The following PTPRD variants were observed in gnomAD, a reference collection of about 807,000 sequenced individuals.
The protein encoded by PTPRD is receptor-type tyrosine-protein phosphatase delta.
A neutral mutation model predicts 214.5 loss-of-function variants in PTPRD; 34 were observed. The ratio of observed to expected loss-of-function variants is 0.16; its 90% CI spans 0.12 to 0.21. PTPRD has a LOEUF of 0.21. Among genes scored for constraint, PTPRD ranks in the 10% least tolerant of loss-of-function variants. PTPRD has a pLI of 1.00. For missense variants in PTPRD, 2,545 were observed against 2,398.7 expected (o/e 1.06, Z -1.27); for synonymous variants, 1,128 against 845.7 (o/e 1.33, Z -5.79).
intron 10 of PTPRD, among the ~76,000 whole-genome samples, chr9:9,107,411 C>G (rs946443885): frequency 1.3e-5 from 2 of 152,142 alleles, no homozygotes; most frequent in Non-Finnish European, 2.9e-5. Flanking sequence ...ATTTCATCTA[C>G]CAGCCTTGTT....
intron 3 of PTPRD, among the ~76,000 whole-genome samples, chr9:10,275,770 A>G (rs966140572): frequency 6.6e-6 from 1 of 152,206 alleles, no homozygotes; most frequent in Admixed American, 6.5e-5. Context: ...AGAGAGATGC[A>G]GCATAGAGGC....
At chr9:9,057,783 T>C (rs951704477) in intron 10 of PTPRD, among the ~76,000 whole-genome samples, 2 of 152,190 alleles carry the variant, frequency 1.3e-5, no homozygotes, top group African/African-American at 4.8e-5. Flanking sequence ...AATTTAGATC[T>C]TTAATTCCAA....
chr9:10,509,411 T>TAAAATAAC (rs2047184244), intron 2 of PTPRD, among the ~76,000 whole-genome samples: 1 of 151,334 alleles, frequency 6.6e-6, no homozygotes, highest in African/African-American at 2.4e-5. Flanking sequence ...CCTCTTGTTG[T>TAAAATAAC]TTCAGCTTCA....
intron 7 of PTPRD, among the ~76,000 whole-genome samples, chr9:9,679,065 G>A (rs1022996709): frequency 1.3e-5 from 2 of 150,446 alleles, no homozygotes; most frequent in African/African-American, 4.9e-5. Context: ...TTATTAGGGA[G>A]TCAAAATTTC....
At chr9:9,468,997 A>G (rs2094412732) in intron 8 of PTPRD, among the ~76,000 whole-genome samples, 1 of 152,128 alleles carries the variant, frequency 6.6e-6, no homozygotes, top group South Asian at 2.1e-4. Flanking sequence ...TCAAATATTT[A>G]TATGTGACTT....
intron 14 of PTPRD, among the ~76,000 whole-genome samples, chr9:8,620,499 A>G (rs1184067366): frequency 6.6e-6 from 1 of 152,048 alleles, no homozygotes; most frequent in Non-Finnish European, 1.5e-5. Flanking sequence ...TGAAAAGGTT[A>G]TTTTGCATCA....
chr9:9,285,185 T>C (rs916020748), intron 9 of PTPRD, among the ~76,000 whole-genome samples: 3 of 151,800 alleles, frequency 2.0e-5, no homozygotes, highest in Non-Finnish European at 2.9e-5. Context: ...TTTTAATTTT[T>C]TTCTCTCTTC....
chr9:8,565,263 T>C (rs1415197060), intron 14 of PTPRD, among the ~76,000 whole-genome samples: 1 of 152,230 alleles, frequency 6.6e-6, no homozygotes, highest in Non-Finnish European at 1.5e-5. Context: ...CTTCGCACAA[T>C]GAAGTTTGAA....
At chr9:10,378,775 C>T (rs2097772133) in intron 2 of PTPRD, among the ~76,000 whole-genome samples, 1 of 151,982 alleles carries the variant, frequency 6.6e-6, no homozygotes, top group South Asian at 2.1e-4. Context: ...GTACCTTTTG[C>T]ATAGAATAGT....
In PTPRD at chr9:8,992,208, G is replaced by A. The variant is rs556603471; in HGVS notation, c.-104+26489C>T. ...TAGAAGGAAAGAAATATTCTAAAAT[G>A]TCAAGTGTAAACATATCAAACTGTA... is the stretch of plus-strand genomic sequence containing the variant. On this transcript the variant is annotated intron_variant, in intron 11 of 45. Transcript: ENST00000381196. Among the ~76,000 whole-genome samples the A allele has an allele frequency of 1.2e-4, 18 of 152,232 alleles. No individual in the cohort carries two copies. The South Asian group carries it at 3.5e-3, about 30-fold the overall frequency.
chr9:10,390,795 T>C, intron 2 of PTPRD, among the ~76,000 whole-genome samples: 1 of 151,764 alleles, frequency 6.6e-6, no homozygotes, highest in East Asian at 2.0e-4. Flanking sequence ...ATATGACACA[T>C]GTCTGCAGGT....
intron 7 of PTPRD, among the ~76,000 whole-genome samples, chr9:9,717,314 G>C (rs1408675855): frequency 1.3e-5 from 2 of 152,256 alleles, no homozygotes; most frequent in South Asian, 2.1e-4. Context: ...TTTTCACTTA[G>C]GATTGACTTG....
intron 4 of PTPRD, among the ~76,000 whole-genome samples, chr9:10,027,185 T>C (rs1412554829): frequency 6.6e-6 from 1 of 152,188 alleles, no homozygotes; most frequent in Admixed American, 6.5e-5. Flanking sequence ...TGAAATACAA[T>C]GTGAATGAAT....
intron 3 of PTPRD, among the ~76,000 whole-genome samples, chr9:10,253,071 C>G (rs897450157): frequency 6.6e-6 from 1 of 152,146 alleles, no homozygotes; most frequent in South Asian, 2.1e-4. Context: ...GTATGAGCCA[C>G]TGTGCCTGGC....
intron 2 of PTPRD, among the ~76,000 whole-genome samples, chr9:10,489,880 G>A (rs747389084): frequency 6.6e-6 from 1 of 152,192 alleles, no homozygotes; most frequent in Non-Finnish European, 1.5e-5. Context: ...GGGAATGGGG[G>A]AGGGATAGCA....
intron 3 of PTPRD, among the ~76,000 whole-genome samples, chr9:10,107,394 A>T (rs2154220576): frequency 6.6e-6 from 1 of 152,184 alleles, no homozygotes; most frequent in Non-Finnish European, 1.5e-5. Flanking sequence ...TGCTGCATAA[A>T]CATGACTCAT....
intron 9 of PTPRD, among the ~76,000 whole-genome samples, chr9:9,303,523 G>A (rs1209639308): frequency 2.0e-5 from 3 of 152,004 alleles, no homozygotes; most frequent in African/African-American, 7.2e-5. Flanking sequence ...ATTCACTATT[G>A]TAAAAAGCTA....
At chr9:10,369,953 T>C (rs926101664) in intron 2 of PTPRD, among the ~76,000 whole-genome samples, 2 of 152,114 alleles carry the variant, frequency 1.3e-5, no homozygotes, top group Admixed American at 6.6e-5. Flanking sequence ...ATGCGAGGCA[T>C]TGTCCTAATA....
chr9:10,393,329 A>T (rs2098107963), intron 2 of PTPRD, among the ~76,000 whole-genome samples: 1 of 151,614 alleles, frequency 6.6e-6, no homozygotes, highest in Admixed American at 6.6e-5. Flanking sequence ...ATGTGGTCAG[A>T]ACCAAAGAGA....
Sources: gnomAD v4.1 joint callset for allele counts (sites outside exome capture counted in the v4.1 genomes callset) on GRCh38, gnomAD v4.1.1 for gene constraint, MANE v1.5 for transcripts, NCBI Gene and HGNC (gene_info 2026-07-23, HGNC 2026-07-21) for gene names.